The following STK32B variants were observed in gnomAD, a reference collection of about 807,000 sequenced individuals.
STK32B encodes serine/threonine-protein kinase 32B.
In STK32B, 43 loss-of-function variants were observed where a neutral mutation model predicts 52.6. The ratio of observed to expected loss-of-function variants is 0.82; its 90% confidence interval spans 0.64 to 1.05. The LOEUF (loss-of-function observed/expected upper bound fraction) is 1.05, where lower values mean the gene tolerates loss of function less well. Among genes scored for constraint, STK32B ranks in the 50% least tolerant of loss-of-function variants. The probability of loss-of-function intolerance (pLI) is 0.00; values close to 1 mark genes in which losing one functional copy is unlikely to be tolerated. For synonymous variants in STK32B, 238 were observed against 204.3 expected (o/e 1.17, Z -1.41); for missense variants, 621 against 534.6 (o/e 1.16, Z -1.59).
chr4:5,351,341 A>T (rs561106580), intron 4 of STK32B, among the ~76,000 whole-genome samples: 1 of 152,250 alleles, frequency 6.6e-6, no homozygotes, highest in South Asian at 2.1e-4. Flanking sequence ...CATGGAAATT[A>T]AACAACATGC....
intron 1 of STK32B, among the ~76,000 whole-genome samples, chr4:5,104,921 A>G (rs1714015972): frequency 2.0e-5 from 3 of 152,146 alleles, no homozygotes; most frequent in Admixed American, 1.3e-4. Flanking sequence ...TCTGCTCTCA[A>G]TATGTATTTG....
intron 3 of STK32B, among the ~76,000 whole-genome samples, chr4:5,205,888 A>C (rs1722546186): frequency 6.6e-6 from 1 of 152,174 alleles, no homozygotes; most frequent in Admixed American, 6.5e-5. Context: ...ACTGGGACAA[A>C]AGGTTAGGGC....
the STK32B span, among the ~76,000 whole-genome samples, chr4:5,022,123 C>G: frequency 6.6e-6 from 1 of 152,320 alleles, no homozygotes; most frequent in African/African-American, 2.4e-5. Flanking sequence ...TATCTGCTTT[C>G]TGGCCCTCTC....
At chr4:5,145,098 A>G (rs1716807490) in intron 2 of STK32B, among the ~76,000 whole-genome samples, 2 of 152,116 alleles carry the variant, frequency 1.3e-5, no homozygotes, top group Admixed American at 1.3e-4. Context: ...TTGACTGCAT[A>G]CCCATATGAT....
rs1471700559 is a variant in STK32B at position 5,457,810 on chromosome 4, TGTG to T, written c.783+891_783+893del. Among the ~76,000 whole-genome samples the T allele has an allele frequency of 2.0e-5, 3 of 149,574 alleles. No homozygotes were observed. In the South Asian group the frequency reaches 6.4e-4, roughly 32 times the overall value. ...TCACTTGAACCTGGGAGGTGGAGGT[TGTG>T]GTGAGCCAAGATCGCACCATTGCAC... On this transcript the variant is annotated intron_variant, in intron 8 of 11. Coordinates refer to ENST00000282908, the MANE Select transcript of STK32B (RefSeq NM_018401.3).
At chr4:5,432,569 T>TTATGAA (rs1417295001) in intron 6 of STK32B, among the ~76,000 whole-genome samples, 201 of 126,732 alleles carry the variant, frequency 1.6e-3, no homozygotes, top group African/African-American at 6.3e-3. Context: ...GAATAGGAGT[T>TTATGAA]CATGAATATG....
chr4:5,160,539 C>T (rs117290999), intron 2 of STK32B, among the ~76,000 whole-genome samples: 9 of 152,190 alleles, frequency 5.9e-5, no homozygotes, highest in South Asian at 2.1e-4. Flanking sequence ...CTACCTTTTC[C>T]GGATTGCCTT....
intron 1 of STK32B, 131 bp from the exon 2 acceptor site, chr4:5,139,774 C>G (rs1424533416): frequency 5.3e-6 from 5 of 949,898 alleles, no homozygotes; most frequent in Non-Finnish European, 8.3e-6. Flanking sequence ...TGGACGGCTG[C>G]TCTGGCAAGT....
chr4:5,229,222 G>GTTT (rs3072782), intron 3 of STK32B, among the ~76,000 whole-genome samples: 108 of 148,198 alleles, frequency 7.3e-4, no homozygotes, highest in East Asian at 1.2e-3. Context: ...TCTATATTTA[G>GTTT]TTTTTTTTTT....
intron 3 of STK32B, among the ~76,000 whole-genome samples, chr4:5,319,621 G>T (rs780066772): frequency 6.6e-6 from 1 of 152,132 alleles, no homozygotes; most frequent in Non-Finnish European, 1.5e-5. Context: ...CTCAGCCTTT[G>T]TTCATGCTGT....
intron 4 of STK32B, among the ~76,000 whole-genome samples, chr4:5,335,402 G>T (rs919257355): frequency 6.6e-6 from 1 of 151,798 alleles, no homozygotes; most frequent in Non-Finnish European, 1.5e-5. Flanking sequence ...CGGTCTATCA[G>T]TTTTGTTGAT....
intron 4 of STK32B, among the ~76,000 whole-genome samples, chr4:5,376,616 C>G (rs980213736): frequency 1.3e-5 from 2 of 152,120 alleles, no homozygotes; most frequent in African/African-American, 2.4e-5. Flanking sequence ...TGGAAACTGT[C>G]AGAAATAGGG....
chr4:5,152,391 G>A (rs1238787607), intron 2 of STK32B, among the ~76,000 whole-genome samples: 1 of 152,220 alleles, frequency 6.6e-6, no homozygotes, highest in African/African-American at 2.4e-5. Context: ...TGGCTCTGTT[G>A]ATAACTGTTC....
chr4:5,184,139 T>C (rs1221900705), intron 3 of STK32B, among the ~76,000 whole-genome samples: 1 of 152,232 alleles, frequency 6.6e-6, no homozygotes, highest in Non-Finnish European at 1.5e-5. Flanking sequence ...TTTTGGCTTT[T>C]CACATGCCTT....
the STK32B span, among the ~76,000 whole-genome samples, chr4:5,037,402 C>G: frequency 6.6e-6 from 1 of 152,178 alleles, no homozygotes; most frequent in African/African-American, 2.4e-5. Context: ...ATGGTCCCCA[C>G]TTTACAAATG....
intron 6 of STK32B, among the ~76,000 whole-genome samples, chr4:5,444,357 C>G (rs1208993868): frequency 1.3e-5 from 2 of 152,182 alleles, no homozygotes; most frequent in Non-Finnish European, 2.9e-5. Context: ...GGGAGTGACC[C>G]GATTTTCCAG....
chr4:5,150,951 CT>C (rs1477468658), intron 2 of STK32B, among the ~76,000 whole-genome samples: 2 of 152,208 alleles, frequency 1.3e-5, no homozygotes, highest in Non-Finnish European at 2.9e-5. Flanking sequence ...AGGCATACCA[CT>C]TTCCCCCCAT....
chr4:5,061,929 C>T (rs1229944975), intron 1 of STK32B, among the ~76,000 whole-genome samples: 3 of 152,216 alleles, frequency 2.0e-5, no homozygotes, highest in Non-Finnish European at 4.4e-5. Context: ...ACTTTCCTTT[C>T]TCCTGGATAT....
chr4:5,334,705 A>C (rs1732514100), intron 4 of STK32B, among the ~76,000 whole-genome samples: 1 of 150,482 alleles, frequency 6.6e-6, no homozygotes, highest in Non-Finnish European at 1.5e-5. Context: ...GAATTTTGTC[A>C]AAGGCCTTTT....
Sources: gnomAD v4.1 joint callset for allele counts (sites outside exome capture counted in the v4.1 genomes callset) on GRCh38, gnomAD v4.1.1 for gene constraint, MANE v1.5 for transcripts, NCBI Gene and HGNC (gene_info 2026-07-23, HGNC 2026-07-21) for gene names.